The following SLA variants were observed in gnomAD, a reference collection of about 807,000 sequenced individuals.
The protein encoded by SLA is Src like adaptor.
SLA carries 16 observed loss-of-function variants against 30.3 expected under a neutral mutation model. That is an observed-to-expected ratio of 0.53 (90% CI 0.36 to 0.80). The LOEUF is 0.80. Among genes scored for constraint, SLA ranks in the 30% least tolerant of loss-of-function variants. The pLI is 0.01. For synonymous variants in SLA, 143 were observed against 137.8 expected (o/e 1.04, Z -0.26); for missense variants, 310 against 345.2 (o/e 0.90, Z 0.81).
chr8:133,099,178 A>C (rs998989248), intron 1 of SLA, among the ~76,000 whole-genome samples: 1 of 152,264 alleles, frequency 6.6e-6, no homozygotes, highest in Non-Finnish European at 1.5e-5. Context: ...CTAAGGGCAC[A>C]GCAGAGCAGC....
chr8:133,075,570 G>A (rs904112968), intron 1 of SLA, among the ~76,000 whole-genome samples: 1 of 152,192 alleles, frequency 6.6e-6, no homozygotes, highest in South Asian at 2.1e-4. Context: ...GTGGTTATGC[G>A]GGAGAACGTC....
At chr8:133,078,774 A>T (rs751763960) in intron 1 of SLA, among the ~76,000 whole-genome samples, 1 of 152,194 alleles carries the variant, frequency 6.6e-6, no homozygotes, top group South Asian at 2.1e-4. Flanking sequence ...TTTAGCCAAC[A>T]TCTATTGTAA....
At chr8:133,083,689 C>A (rs1174041395) in intron 1 of SLA, among the ~76,000 whole-genome samples, 3 of 151,988 alleles carry the variant, frequency 2.0e-5, no homozygotes, top group African/African-American at 7.3e-5. Flanking sequence ...TATTTTTTTT[C>A]TGCATCTCTT....
chr8:133,070,805 G>C (rs765820113), intron 2 of SLA, among the ~76,000 whole-genome samples: 2 of 152,214 alleles, frequency 1.3e-5, no homozygotes, highest in African/African-American at 4.8e-5. Flanking sequence ...ACACTGGCCC[G>C]TGTCTGCAGG....
intron 1 of SLA, among the ~76,000 whole-genome samples, chr8:133,088,562 G>GA (rs1288712743): frequency 1.1e-4 from 16 of 152,194 alleles, no homozygotes; most frequent in African/African-American, 3.6e-4. Context: ...GATCATGAGA[G>GA]AAAATGTGAA....
chr8:133,041,769 A>G (rs895713656), intron 7 of SLA, among the ~76,000 whole-genome samples: 4 of 148,870 alleles, frequency 2.7e-5, no homozygotes, highest in African/African-American at 9.9e-5. Flanking sequence ...TGAGGCCTTG[A>G]TCAGCTTGTG....
chr8:133,074,256 A>G (rs1844526350), intron 2 of SLA, among the ~76,000 whole-genome samples: 1 of 152,124 alleles, frequency 6.6e-6, no homozygotes, highest in South Asian at 2.1e-4. Context: ...TATCTTCGGC[A>G]TCTTCTTAAA....
intron 1 of SLA, among the ~76,000 whole-genome samples, chr8:133,095,988 C>T (rs1848348215): frequency 6.6e-6 from 1 of 152,190 alleles, no homozygotes; most frequent in Non-Finnish European, 1.5e-5. Context: ...CTGGGATGCT[C>T]CCCTGGAGAC....
At chr8:133,038,983 T>C (rs1837629852) in intron 8 of SLA, among the ~76,000 whole-genome samples, 1 of 152,220 alleles carries the variant, frequency 6.6e-6, no homozygotes. Context: ...GCTCAAGCGA[T>C]TCTCCCTCCT....
chr8:133,063,190 CTG>C (rs1842621137), intron 2 of SLA, among the ~76,000 whole-genome samples: 1 of 151,934 alleles, frequency 6.6e-6, no homozygotes, highest in African/African-American at 2.4e-5. Context: ...GACTCATCAA[CTG>C]TCATTCAACA....
intron 2 of SLA, among the ~76,000 whole-genome samples, chr8:133,067,041 A>T (rs528363002): frequency 2.6e-5 from 4 of 152,268 alleles, no homozygotes; most frequent in Admixed American, 6.5e-5. Context: ...GGCACAATTG[A>T]CTAGGGACTT....
intron 2 of SLA, among the ~76,000 whole-genome samples, chr8:133,063,164 C>T (rs1265944802): frequency 6.6e-6 from 1 of 151,196 alleles, no homozygotes; most frequent in Admixed American, 6.6e-5. Context: ...ACAATGCCTT[C>T]CTGTCCTTTC....
rs558289541 is a variant in SLA, at chr8:133,044,968, A to G, written c.484+16T>C. On this transcript the variant is annotated intron_variant, in intron 7 of 8. Coordinates refer to ENST00000338087, the MANE Select transcript of SLA (RefSeq NM_001045556.3). ...GGTCCCACCATCACAATCACTCCAT[A>G]TTGTATGTCTCTTACCAGAATAGTG... 2.5e-6 allele frequency: 4 copies of G among 1,613,842 alleles called. No homozygotes were observed. Among genetic ancestry groups the G allele is most frequent in the South Asian group, 2.2e-5 (2 of 91,076 alleles).
intron 1 of SLA, among the ~76,000 whole-genome samples, chr8:133,087,071 TACACACACACACACACACAC>T (rs56028043): frequency 0.01 from 1,442 of 143,052 alleles, 19 homozygotes; most frequent in African/African-American, 0.026. Context: ...AATATATGTT[TACACACACACACACACACAC>T]ACACACACAC....
Position 133,038,499 on chromosome 8 carries a change from C to T in SLA, c.*25G>A. The T allele has an allele frequency of 6.5e-7, 1 of 1,546,226 alleles. No individual in the cohort carries two copies. On this transcript the variant is annotated 3_prime_UTR_variant, in exon 9 of 9. Transcript: ENST00000338087. Reference sequence around the variant, plus strand: ...AGTTGGAACTTCTGTTCCTTTTGGGCATGAACCATTGTGTCTGTTCTTGGC... The same window carrying T: ...AGTTGGAACTTCTGTTCCTTTTGGGTATGAACCATTGTGTCTGTTCTTGGC...
At chr8:133,057,510 C>T (rs1841662010) in intron 3 of SLA, among the ~76,000 whole-genome samples, 1 of 152,166 alleles carries the variant, frequency 6.6e-6, no homozygotes, top group Non-Finnish European at 1.5e-5. Flanking sequence ...AGTTTCCACA[C>T]CCTTCTTTGC....
intron 2 of SLA, among the ~76,000 whole-genome samples, chr8:133,073,665 T>C (rs1587998533): frequency 1.3e-5 from 2 of 152,214 alleles, no homozygotes; most frequent in East Asian, 1.9e-4. Context: ...CAGCATCTCA[T>C]AGCAAACCAC....
Position 133,038,447 on chromosome 8 carries a change from C to G in SLA, c.*77G>C, listed in dbSNP as rs942166549. ...GTGAGGCTCCCAGGGATCAGGGAAC[C>G]TCGCTTTTCGCAAGATCCCAGGCAA... is the stretch of plus-strand genomic sequence containing the variant. On this transcript the variant is annotated 3_prime_UTR_variant, in exon 9 of 9. Coordinates refer to ENST00000338087, the MANE Select transcript of SLA (RefSeq NM_001045556.3). The G allele has an allele frequency of 8.4e-7, 1 of 1,194,688 alleles. No homozygotes were observed. Among genetic ancestry groups the G allele is most frequent in the Admixed American group, 1.7e-5 (1 of 57,432 alleles). 74.0% of individuals were successfully genotyped at this position (1,194,688 alleles called of 1,614,324 possible). A position where few individuals can be genotyped will look rare whatever the true frequency, so the allele number is the denominator to read the frequency against.
chr8:133,041,514 T>A (rs1158681149), intron 7 of SLA, among the ~76,000 whole-genome samples: 1 of 152,102 alleles, frequency 6.6e-6, no homozygotes, highest in East Asian at 1.9e-4. Flanking sequence ...AATAATGACC[T>A]GTCATGGGTT....
Sources: allele counts gnomAD v4.1 joint callset (sites outside exome capture counted in the v4.1 genomes callset), GRCh38; gene constraint gnomAD v4.1.1; transcripts MANE v1.5; gene names NCBI Gene and HGNC (gene_info 2026-07-23, HGNC 2026-07-21).